The following NPIPB11 variants were observed in gnomAD, a reference collection of about 807,000 sequenced individuals.
NPIPB11 encodes the protein nuclear pore complex-interacting protein family member B11.
Under a neutral mutation model 32.8 loss-of-function variants are expected in NPIPB11, and 17 were observed. The ratio of observed to expected loss-of-function variants is 0.52; its 90% confidence interval spans 0.35 to 0.78. The LOEUF is 0.78. NPIPB11 is among the 30% of genes least tolerant of loss of function. The pLI is 0.01. For missense variants in NPIPB11, 537 were observed against 1,000.4 expected (o/e 0.54, Z 6.25); for synonymous variants, 209 against 398.4 (o/e 0.52, Z 5.66).
At chr16:29,402,435 T>C (rs377648588) in intron 2 of NPIPB11, among the ~76,000 whole-genome samples, 14,226 of 108,330 alleles carry the variant, frequency 0.13, 1,191 homozygotes, top group African/African-American at 0.27. Context: ...CCGGGTGCAG[T>C]GGCTCACACC....
At chr16:29,382,277 C>T in exon 8 of NPIPB11, 1 of 1,603,682 alleles carries the variant, frequency 6.2e-7, no homozygotes, top group Non-Finnish European at 8.5e-7. Flanking sequence ...GCGGAACCCA[C>T]AGACGCTCCC....
chr16:29,396,122 G>C (rs1323257542), intron 2 of NPIPB11, among the ~76,000 whole-genome samples: 24 of 150,872 alleles, frequency 1.6e-4, no homozygotes, highest in South Asian at 4.2e-4. Flanking sequence ...CAGACAGCTT[G>C]TGATAACATT....
At chr16:29,401,753 C>T (rs4017123) in intron 2 of NPIPB11, among the ~76,000 whole-genome samples, 2,862 of 152,154 alleles carry the variant, frequency 0.019, 50 homozygotes, top group Non-Finnish European at 0.028. Context: ...GACTGGCCAC[C>T]CTCTCCTTCA....
intron 2 of NPIPB11, among the ~76,000 whole-genome samples, chr16:29,400,781 A>C (rs1355641865): frequency 2.0e-5 from 3 of 152,058 alleles, no homozygotes; most frequent in Non-Finnish European, 4.4e-5. Flanking sequence ...TGGGATGCTG[A>C]GTTATCCACT....
upstream of NPIPB11, among the ~76,000 whole-genome samples, chr16:29,406,703 G>T (rs1159616365): frequency 6.7e-6 from 1 of 149,234 alleles, no homozygotes; most frequent in Non-Finnish European, 1.5e-5. Flanking sequence ...GACAGAGGTA[G>T]AATCTAACTA....
Position 29,390,317 on chromosome 16 carries a change from C to T in NPIPB11, c.281G>A (p.Arg94Gln), listed in dbSNP as rs576183252. The T allele has an allele frequency of 8.5e-5, 131 of 1,539,226 alleles. 1 individual carries two copies. Among genetic ancestry groups the T allele is most frequent in the African/African-American group, 7.4e-4 (54 of 72,992 alleles). ...ATCCGTGGATCCATCATGTCCATTT[C>T]GAGACCAGAAGATAGTCTTCAGGAG... The change falls in exon 4 of 8, where the codon CGA (arginine) becomes CAA (glutamine). Residue 94 changes from arginine to glutamine, a missense_variant. Arg to Gln is a conservative substitution (Grantham distance 43, BLOSUM62 1). Coordinates refer to ENST00000524087, the Ensembl canonical transcript of NPIPB11.
intron 2 of NPIPB11, among the ~76,000 whole-genome samples, chr16:29,401,033 T>C (rs1422518860): frequency 6.6e-6 from 1 of 152,030 alleles, no homozygotes; most frequent in African/African-American, 2.4e-5. Flanking sequence ...GAATGGGCAC[T>C]TGAGTCACCC....
chr16:29,389,179 A>C (rs1253299271), intron 5 of NPIPB11, among the ~76,000 whole-genome samples: 2 of 136,266 alleles, frequency 1.5e-5, no homozygotes, highest in African/African-American at 5.6e-5. Flanking sequence ...TGGGTGACAG[A>C]GTGAGACTCT....
intron 2 of NPIPB11, among the ~76,000 whole-genome samples, chr16:29,402,349 G>C (rs981407791): frequency 2.7e-5 from 3 of 109,950 alleles, no homozygotes; most frequent in Non-Finnish European, 5.2e-5. Flanking sequence ...TTTTAAACAG[G>C]GTAAAACTAT....
upstream of NPIPB11, among the ~76,000 whole-genome samples, chr16:29,406,695 C>CAA: frequency 6.7e-6 from 1 of 149,998 alleles, no homozygotes; most frequent in Non-Finnish European, 1.5e-5. Flanking sequence ...GCCTGGGTGA[C>CAA]AGAGGTAGAA....
chr16:29,405,490 G>A (rs1015191166), upstream of NPIPB11, among the ~76,000 whole-genome samples: 4 of 152,058 alleles, frequency 2.6e-5, no homozygotes, highest in African/African-American at 4.8e-5. Flanking sequence ...TGTTAGTCAC[G>A]GTGCAGTCAT....
chr16:29,405,132 TCTAA>T (rs1162292719), upstream of NPIPB11, among the ~76,000 whole-genome samples: 8 of 151,768 alleles, frequency 5.3e-5, no homozygotes, highest in Non-Finnish European at 7.4e-5. Context: ...CTTGGAAACC[TCTAA>T]CTGTGTCTGA....
chr16:29,400,032 G>T (rs531040876), intron 2 of NPIPB11, among the ~76,000 whole-genome samples: 2 of 151,896 alleles, frequency 1.3e-5, no homozygotes, highest in African/African-American at 4.8e-5. Context: ...AGCCGAGATC[G>T]TGCCATTCCA....
At chr16:29,390,880 T>G in intron 3 of NPIPB11, among the ~76,000 whole-genome samples, 1 of 149,520 alleles carries the variant, frequency 6.7e-6, no homozygotes, top group East Asian at 2.0e-4. Context: ...GGATAATCAC[T>G]TGAACCCAGC....
exon 5 of NPIPB11, chr16:29,389,979 A>G (rs568371911): frequency 2.7e-5 from 43 of 1,590,916 alleles, no homozygotes; most frequent in East Asian, 1.6e-4. Context: ...TGATTTTGTC[A>G]TGACGGTTGA....
chr16:29,384,067 G>A, exon 8 of NPIPB11: 1 of 1,202,986 alleles, frequency 8.3e-7, no homozygotes, highest in Non-Finnish European at 1.1e-6. Flanking sequence ...GGAGTGAGCA[G>A]ACACTCGGGA....
intron 2 of NPIPB11, among the ~76,000 whole-genome samples, chr16:29,396,993 C>G (rs1357596784): frequency 6.6e-6 from 1 of 151,516 alleles, no homozygotes; most frequent in Non-Finnish European, 1.5e-5. Flanking sequence ...ACTAAAAACA[C>G]AAAAATTAGC....
At chr16:29,396,942 G>A (rs867686676) in intron 2 of NPIPB11, among the ~76,000 whole-genome samples, 1 of 151,866 alleles carries the variant, frequency 6.6e-6, no homozygotes, top group African/African-American at 2.4e-5. Flanking sequence ...GAGGTCAAGA[G>A]ATGGAGACTA....
chr16:29,397,604 C>A (rs1382758898), intron 2 of NPIPB11: 2 of 1,509,106 alleles, frequency 1.3e-6, no homozygotes, highest in African/African-American at 1.4e-5. Flanking sequence ...CCAGCAGGAG[C>A]CCAAAGAGGA....
Sources: gnomAD v4.1 joint callset for allele counts (sites outside exome capture counted in the v4.1 genomes callset) on GRCh38, gnomAD v4.1.1 for gene constraint, MANE v1.5 for transcripts, NCBI Gene and HGNC (gene_info 2026-07-23, HGNC 2026-07-21) for gene names.